ADAM2: variants seen among roughly 807,000 people sequenced by gnomAD.
ADAM2 encodes the protein ADAM metallopeptidase domain 2.
ADAM2 carries 101 observed loss-of-function variants against 99.3 expected under a neutral mutation model. The ratio of observed to expected loss-of-function variants is 1.02; its 90% confidence interval spans 0.87 to 1.20. ADAM2 has a LOEUF of 1.20. Among genes scored for constraint, ADAM2 ranks in the 50% most tolerant of loss-of-function variants. The pLI is 0.00. For synonymous variants in ADAM2, 323 were observed against 287.6 expected (o/e 1.12, Z -1.25); for missense variants, 948 against 878.7 (o/e 1.08, Z -1.00).
rs544430305 is a variant in ADAM2, at chr8:39,826,767, A to G, written c.189-1870T>C. Among the ~76,000 whole-genome samples the G allele has an allele frequency of 7.9e-5, 12 of 152,190 alleles. No homozygotes were observed. The South Asian group carries it at 2.3e-3, about 29-fold the overall frequency. ...ACTCAAAATGGATTAAAACTTAACC[A>G]TAATAGTTATGATGCTAAAACTACT... On this transcript the variant is annotated intron_variant, in intron 3 of 20. Coordinates refer to ENST00000265708, the MANE Select transcript of ADAM2 (RefSeq NM_001464.5).
intron 6 of ADAM2, among the ~76,000 whole-genome samples, chr8:39,819,625 C>T (rs1003359451): frequency 2.6e-5 from 4 of 152,062 alleles, no homozygotes; most frequent in South Asian, 4.1e-4. Context: ...CAGTTAAAGC[C>T]GTTTTTAGAA....
At chr8:39,752,513 A>G (rs529517602) in intron 16 of ADAM2, among the ~76,000 whole-genome samples, 24 of 152,258 alleles carry the variant, frequency 1.6e-4, no homozygotes, top group African/African-American at 5.1e-4. Flanking sequence ...CAATACTCTA[A>G]CTTGTCTGGT....
chr8:39,800,260 C>A lies in ADAM2; in HGVS notation c.570+9150G>T, dbSNP rs1432327833. On this transcript the variant is annotated intron_variant, in intron 7 of 20. Coordinates refer to ENST00000265708, the MANE Select transcript of ADAM2 (RefSeq NM_001464.5). ...CTCAGCATTTGCTTGTCTGGAAAGACTTTTATTTCTTTTTCACTTATGATG... is the reference window on the plus strand; with the variant it reads ...CTCAGCATTTGCTTGTCTGGAAAGAATTTTATTTCTTTTTCACTTATGATG... Among the ~76,000 whole-genome samples, 3 of 151,974 alleles carry A rather than the reference C, an allele frequency of 2.0e-5. No individual in the cohort carries two copies. The East Asian group carries it at 5.8e-4, about 29-fold the overall frequency.
At chr8:39,779,446 G>A (rs1244309484) in intron 10 of ADAM2, among the ~76,000 whole-genome samples, 1 of 152,022 alleles carries the variant, frequency 6.6e-6, no homozygotes, top group Non-Finnish European at 1.5e-5. Flanking sequence ...TGGAGGTTAA[G>A]GCTTCAACAT....
intron 6 of ADAM2, 26 bp from the exon 7 acceptor site, chr8:39,809,492 C>A: frequency 8.7e-7 from 1 of 1,151,070 alleles, no homozygotes. Context: ...AATTTTACAT[C>A]AAAATTACAG....
chr8:39,786,912 T>C, intron 10 of ADAM2, 62 bp downstream of exon 10: 2 of 1,231,898 alleles, frequency 1.6e-6, no homozygotes, highest in South Asian at 1.6e-5. Context: ...AAATTAAATA[T>C]GAAAATGTGT....
rs147585829 is a variant in ADAM2, at chr8:39,832,487, C to T, written c.188+1457G>A. ...ATAATATTATACACTTTATTCTCAT[C>T]TGATGCAGGTAAAATGTAAAAACAA... On this transcript the variant is annotated intron_variant, in intron 3 of 20. Coordinates refer to ENST00000265708, the MANE Select transcript of ADAM2 (RefSeq NM_001464.5). Among the ~76,000 whole-genome samples, 481 of 152,256 alleles carry T rather than the reference C, an allele frequency of 3.2e-3. 2 individuals are homozygous for T. Among genetic ancestry groups the T allele is most frequent in the African/African-American group, 0.011 (467 of 41,550 alleles).
rs374604178 is a variant in ADAM2, at chr8:39,747,984, G to GT, written c.2014+1327dup. On this transcript the variant is annotated intron_variant, in intron 18 of 20. Coordinates refer to ENST00000265708, the MANE Select transcript of ADAM2 (RefSeq NM_001464.5). ...TTACACAACATATTGGGAGCTAAAT[G>GT]TTTTTTATTATTTATTGCTGTATAA... 1.7e-3 allele frequency among the ~76,000 whole-genome samples: 266 copies of GT among 152,152 alleles called. 2 individuals are homozygous for GT. Among genetic ancestry groups the GT allele is most frequent in the African/African-American group, 5.8e-3 (241 of 41,520 alleles).
chr8:39,754,513 C>T, intron 16 of ADAM2, among the ~76,000 whole-genome samples: 1 of 152,210 alleles, frequency 6.6e-6, no homozygotes, highest in South Asian at 2.1e-4. Context: ...GTAAGATAGT[C>T]TTGGGCATTA....
Position 39,838,217 on chromosome 8 carries a change from T to C in ADAM2, c.-32A>G, listed in dbSNP as rs568655917. On this transcript the variant is annotated 5_prime_UTR_variant, in exon 1 of 21. Coordinates refer to ENST00000265708, the MANE Select transcript of ADAM2 (RefSeq NM_001464.5). The stretch of plus-strand genomic sequence containing the variant: ...AAGTCCTGGGTCCCAGCCGGAATAA[T>C]GGCAGTTGGTGGTTACAGGGCAGTT... 18 of 1,613,500 alleles carry C rather than the reference T, an allele frequency of 1.1e-5. 1 individual carries two copies. Among genetic ancestry groups the C allele is most frequent in the Middle Eastern group, 1.7e-4 (1 of 6,050 alleles).
intron 7 of ADAM2, among the ~76,000 whole-genome samples, chr8:39,799,611 T>C (rs904221199): frequency 7.9e-5 from 12 of 152,214 alleles, no homozygotes; most frequent in African/African-American, 2.9e-4. Flanking sequence ...ATCTTGTTGA[T>C]CTGTCTAATA....
At chr8:39,827,977 A>G (rs572748630) in intron 3 of ADAM2, among the ~76,000 whole-genome samples, 139 of 152,152 alleles carry the variant, frequency 9.1e-4, no homozygotes, top group African/African-American at 3.2e-3. Context: ...CTGTTTATAT[A>G]TAATTTTTTC....
chr8:39,751,692 A>G (rs760574819), intron 16 of ADAM2, among the ~76,000 whole-genome samples: 1 of 152,212 alleles, frequency 6.6e-6, no homozygotes, highest in Non-Finnish European at 1.5e-5. Flanking sequence ...ATTCTTCACC[A>G]AACTCTCTAA....
chr8:39,746,869 A>G (rs1022443408), intron 18 of ADAM2, among the ~76,000 whole-genome samples: 1 of 152,108 alleles, frequency 6.6e-6, no homozygotes, highest in African/African-American at 2.4e-5. Flanking sequence ...GGATTTTTGT[A>G]TCTCTGTTCA....
chr8:39,824,805 C>A lies in ADAM2; in HGVS notation c.267+14G>T, dbSNP rs368315717. ...CTCACATGACAAAAATAAAAGAGAT[C>A]ATAAAAAACATACCTGAAAATCTTG... On this transcript the variant is annotated intron_variant, in intron 4 of 20. Coordinates refer to ENST00000265708, the MANE Select transcript of ADAM2 (RefSeq NM_001464.5). The A allele has an allele frequency of 2.6e-5, 37 of 1,415,268 alleles. No homozygotes were observed. The highest frequency in any genetic ancestry group is 3.5e-5 in the Non-Finnish European group (35 of 1,007,926). 87.7% of individuals were successfully genotyped at this position (1,415,268 alleles called of 1,614,324 possible). A position where few individuals can be genotyped will look rare whatever the true frequency, so the allele number is the denominator to read the frequency against.
chr8:39,804,169 C>T lies in ADAM2; in HGVS notation c.570+5241G>A, dbSNP rs117382079. On this transcript the variant is annotated intron_variant, in intron 7 of 20. Transcript: ENST00000265708. ...GGCAAGACAGTGGGGAGCATAATGA[C>T]GTTTCAGGATTTATGGAACTAAAGT... Among the ~76,000 whole-genome samples the T allele has an allele frequency of 7.9e-4, 120 of 152,280 alleles. 1 individual carries two copies. In the East Asian group the frequency reaches 0.022, roughly 28 times the overall value.
intron 15 of ADAM2, among the ~76,000 whole-genome samples, chr8:39,758,952 T>C (rs956976486): frequency 6.6e-6 from 1 of 152,148 alleles, no homozygotes; most frequent in African/African-American, 2.4e-5. Context: ...AAGTGACTAC[T>C]TCTTCCTACA....
intron 11 of ADAM2, among the ~76,000 whole-genome samples, chr8:39,775,124 A>C (rs1363826081): frequency 6.6e-6 from 1 of 152,128 alleles, no homozygotes; most frequent in Non-Finnish European, 1.5e-5. Flanking sequence ...GTTGGTCAGG[A>C]ATCTGGTGTT....
At chr8:39,759,598 G>A (rs1047329922) in intron 15 of ADAM2, among the ~76,000 whole-genome samples, 4 of 152,006 alleles carry the variant, frequency 2.6e-5, no homozygotes, top group African/African-American at 9.7e-5. Context: ...GAATAAACAA[G>A]CACAGTTTTC....
Sources: gnomAD v4.1 joint callset for allele counts (sites outside exome capture counted in the v4.1 genomes callset) on GRCh38, gnomAD v4.1.1 for gene constraint, MANE v1.5 for transcripts, NCBI Gene and HGNC (gene_info 2026-07-23, HGNC 2026-07-21) for gene names.